The following SH3RF3 variants were observed in gnomAD, a reference collection of about 807,000 sequenced individuals.
SH3RF3 encodes E3 ubiquitin-protein ligase SH3RF3.
In SH3RF3, 29 loss-of-function variants were observed where a neutral mutation model predicts 66.3. The observed-to-expected ratio is 0.44, with a 90% CI of 0.33 to 0.60. The LOEUF (loss-of-function observed/expected upper bound fraction) is 0.60. Among genes scored for constraint, SH3RF3 ranks in the 20% least tolerant of loss-of-function variants. The pLI, the probability that SH3RF3 is intolerant of heterozygous loss-of-function variation, is 0.04. For synonymous variants in SH3RF3, 583 were observed against 532.0 expected (o/e 1.10, Z -1.32); for missense variants, 1,194 against 1,190.9 (o/e 1.00, Z -0.04).
intron 1 of SH3RF3, among the ~76,000 whole-genome samples, chr2:109,156,203 C>T (rs2104889849): frequency 6.6e-6 from 1 of 152,330 alleles, no homozygotes; most frequent in Non-Finnish European, 1.5e-5. Flanking sequence ...AATTAGCACT[C>T]GGTGTTGAGT....
intron 1 of SH3RF3, among the ~76,000 whole-genome samples, chr2:109,333,489 G>A (rs1682334419): frequency 2.0e-5 from 3 of 152,180 alleles, no homozygotes; most frequent in Admixed American, 2.0e-4. Flanking sequence ...ACAAAGTGAG[G>A]TTTCACGTAT....
Position 109,183,765 on chromosome 2 carries a change from A to G in SH3RF3, c.573+53652A>G, listed in dbSNP as rs548745009. Among the ~76,000 whole-genome samples, 3 of 152,300 alleles carry G rather than the reference A, an allele frequency of 2.0e-5. No individual in the cohort carries two copies. In the East Asian group the frequency reaches 5.8e-4, roughly 29 times the overall value. On this transcript the variant is annotated intron_variant, in intron 1 of 9. Transcript: ENST00000309415. ...TCCCAGCAGCTCGGTCAGGTCAGGA[A>G]TTATTTATACTCTTTACATATAAGG...
intron 1 of SH3RF3, among the ~76,000 whole-genome samples, chr2:109,249,519 T>TTC (rs10646553): frequency 0.28 from 16,788 of 58,942 alleles, 2,024 homozygotes; most frequent in East Asian, 0.36. Context: ...CATTCTTTCT[T>TTC]TTTCTTTCTT....
At chr2:109,270,781 G>T (rs1451719861) in intron 1 of SH3RF3, among the ~76,000 whole-genome samples, 1 of 152,226 alleles carries the variant, frequency 6.6e-6, no homozygotes, top group East Asian at 1.9e-4. Context: ...TGTTGGGCCA[G>T]GCATACCTGC....
At chr2:109,265,361 C>T (rs1361026329) in intron 1 of SH3RF3, among the ~76,000 whole-genome samples, 1 of 152,204 alleles carries the variant, frequency 6.6e-6, no homozygotes, top group East Asian at 1.9e-4. Flanking sequence ...AAAAATTGAC[C>T]TTTCCTGTTA....
chr2:109,490,647 T>G lies in SH3RF3; in HGVS notation c.2191T>G (p.Ser731Ala). The change falls in exon 9 of 10, where the codon TCC becomes GCC. Residue 731 changes from serine to alanine, a missense_variant. Ser to Ala is a moderately conservative substitution (Grantham distance 99). Transcript: ENST00000309415. ...SGLLKLLAGA[S>A]TKKKSRSPPS... ...GCTCCTGAAGCTTCTAGCCGGAGCA[T>G]CCACCAAGAAGAAGTCACGCTCCCC... 1 of 1,498,830 alleles carries G rather than the reference T, an allele frequency of 6.7e-7. No homozygotes were observed. The highest frequency in any genetic ancestry group is 8.9e-7 in the Non-Finnish European group (1 of 1,122,768). The allele number at this position is 1,498,830 out of a possible 1,614,324, so 92.8% of individuals were successfully genotyped here. A position where few individuals can be genotyped will look rare whatever the true frequency, so the allele number is the denominator to read the frequency against.
At chr2:109,163,828 T>A (rs1677553047) in intron 1 of SH3RF3, among the ~76,000 whole-genome samples, 3 of 152,194 alleles carry the variant, frequency 2.0e-5, no homozygotes, top group African/African-American at 4.8e-5. Flanking sequence ...CTCCAAACAA[T>A]GTGTTTTCCA....
intron 1 of SH3RF3, among the ~76,000 whole-genome samples, chr2:109,150,748 G>A (rs1429695065): frequency 3.9e-5 from 6 of 152,042 alleles, no homozygotes; most frequent in Admixed American, 3.9e-4. Context: ...GTGGGTTGGG[G>A]TTAGAATTCT....
chr2:109,198,181 C>T (rs1678551918), intron 1 of SH3RF3, among the ~76,000 whole-genome samples: 1 of 152,188 alleles, frequency 6.6e-6, no homozygotes, highest in South Asian at 2.1e-4. Flanking sequence ...CAGCAGGGAC[C>T]TTCTGGAACC....
chr2:109,401,156 G>A (rs557812962), intron 4 of SH3RF3, among the ~76,000 whole-genome samples: 31 of 152,302 alleles, frequency 2.0e-4, no homozygotes, highest in Admixed American at 1.8e-3. Flanking sequence ...GCTAAGACTG[G>A]GGGGAGCTCA....
chr2:109,337,457 T>C (rs1252946100), intron 1 of SH3RF3, among the ~76,000 whole-genome samples: 1 of 152,200 alleles, frequency 6.6e-6, no homozygotes, highest in Non-Finnish European at 1.5e-5. Flanking sequence ...TATGGCGAAA[T>C]GTTTTCCTCA....
chr2:109,142,458 C>T (rs1473513721), intron 1 of SH3RF3, among the ~76,000 whole-genome samples: 1 of 152,196 alleles, frequency 6.6e-6, no homozygotes, highest in African/African-American at 2.4e-5. Context: ...ATTCCCTGGC[C>T]CCCAGCACCC....
rs146610203 is a variant in SH3RF3 at position 109,303,376 on chromosome 2, C to CT, written c.574-44295dup. 8.4e-3 allele frequency among the ~76,000 whole-genome samples: 1,280 copies of CT among 152,372 alleles called. 14 individuals carry two copies. The highest frequency in any genetic ancestry group is 0.044 in the East Asian group (226 of 5,186). On this transcript the variant is annotated intron_variant, in intron 1 of 9. Transcript: ENST00000309415. ...GTTGAATGAAGGTGGGCACTCCCCA[C>CT]TTTGGGGGCCAGACTTTTCTCCTTC...
Position 109,196,140 on chromosome 2 carries a change from C to T in SH3RF3, c.573+66027C>T, listed in dbSNP as rs370244433. ...GGACAGAAGCCGGCAGGCACACGTC[C>T]CACTCAGGGTCACATGGCTGGTTGG... On this transcript the variant is annotated intron_variant, in intron 1 of 9. Transcript: ENST00000309415. 5.9e-5 allele frequency among the ~76,000 whole-genome samples: 9 copies of T among 152,368 alleles called. No homozygotes were observed. In the South Asian group the frequency reaches 1.9e-3, roughly 32 times the overall value.
chr2:109,227,281 A>C (rs558115474), intron 1 of SH3RF3, among the ~76,000 whole-genome samples: 60 of 152,222 alleles, frequency 3.9e-4, no homozygotes, highest in African/African-American at 1.4e-3. Flanking sequence ...TAGCTAGAAG[A>C]AGCTCTGTGA....
rs149854319 is a variant in SH3RF3, at chr2:109,217,996, C to T, written c.573+87883C>T. On this transcript the variant is annotated intron_variant, in intron 1 of 9. Transcript: ENST00000309415. ...TGCCGGTTGCCTTCCCACAGGTGTG[C>T]GGACTCGAGTTTGCTTGGATGGAAC... 4.1e-4 allele frequency among the ~76,000 whole-genome samples: 62 copies of T among 152,264 alleles called. No homozygotes were observed. The East Asian group carries it at 0.011, about 26-fold the overall frequency.
At chr2:109,168,816 G>A (rs2104936203) in intron 1 of SH3RF3, among the ~76,000 whole-genome samples, 1 of 152,304 alleles carries the variant, frequency 6.6e-6, no homozygotes, top group Admixed American at 6.5e-5. Flanking sequence ...TTCCTGGTGG[G>A]CAACTGTGTT....
intron 7 of SH3RF3, among the ~76,000 whole-genome samples, chr2:109,442,523 C>A (rs186720108): frequency 1.2e-4 from 18 of 152,084 alleles, no homozygotes; most frequent in Admixed American, 1.2e-3. Context: ...AAAGTGAAAG[C>A]AATCTAGTTT....
At chr2:109,291,268 A>T (rs1328853058) in intron 1 of SH3RF3, among the ~76,000 whole-genome samples, 1 of 150,688 alleles carries the variant, frequency 6.6e-6, no homozygotes, top group African/African-American at 2.4e-5. Flanking sequence ...AGAAAAAGAA[A>T]CAGAGTAATC....
Sources: gnomAD v4.1 joint callset for allele counts (sites outside exome capture counted in the v4.1 genomes callset) on GRCh38, gnomAD v4.1.1 for gene constraint, MANE v1.5 for transcripts, NCBI Gene and HGNC (gene_info 2026-07-23, HGNC 2026-07-21) for gene names.